MTRR: variants seen among roughly 807,000 people sequenced by gnomAD.
MTRR encodes the protein 5-methyltetrahydrofolate-homocysteine methyltransferase reductase.
In MTRR, 63 loss-of-function variants were observed where a neutral mutation model predicts 79.2. The ratio of observed to expected loss-of-function variants is 0.80; its 90% CI spans 0.65 to 0.98. The LOEUF is 0.98. MTRR is among the 50% of genes least tolerant of loss of function. The pLI is 0.00. For missense variants in MTRR, 895 were observed against 839.6 expected (o/e 1.07, Z -0.82); for synonymous variants, 355 against 313.3 (o/e 1.13, Z -1.41).
upstream of MTRR, chr5:7,851,052 C>T: frequency 8.1e-7 from 1 of 1,236,776 alleles, no homozygotes; most frequent in Admixed American, 4.2e-5. Flanking sequence ...CCGCCTTGGC[C>T]GCGGTCCGTC....
At chr5:7,865,897 C>T (rs748782266), upstream of MTRR, 1 of 1,612,236 alleles carries the variant, frequency 6.2e-7, no homozygotes, top group African/African-American at 1.3e-5. Flanking sequence ...CATGCTTTTA[C>T]CTTATAGAAA....
rs776490741 is a variant in MTRR, at chr5:7,895,830, T to C, written c.1654T>C (p.Phe552Leu). The change falls in exon 12 of 15, where the codon TTT becomes CTT. Residue 552 changes from phenylalanine (F) to leucine (L), a missense_variant. Transcript: ENST00000440940. ...MVGPGTGIAPFIGFLQHREKL... is the reference protein window; with the variant it reads ...MVGPGTGIAPLIGFLQHREKL... ...GGGTCCAGGAACCGGCATAGCCCCG[T>C]TTATTGGGTTCCTACAACATAGGTA... The C allele has an allele frequency of 1.4e-5, 22 of 1,613,958 alleles. No homozygotes were observed. The highest frequency in any genetic ancestry group is 1.7e-5 in the Non-Finnish European group (20 of 1,179,976).
At chr5:7,892,252 A>G (rs1437629001) in intron 10 of MTRR, among the ~76,000 whole-genome samples, 1 of 152,208 alleles carries the variant, frequency 6.6e-6, no homozygotes, top group Non-Finnish European at 1.5e-5. Context: ...TAATGTGAAA[A>G]GAAATCTACT....
chr5:7,891,937 G>A (rs866045748), intron 10 of MTRR, among the ~76,000 whole-genome samples: 19 of 152,160 alleles, frequency 1.2e-4, no homozygotes, highest in African/African-American at 4.6e-4. Context: ...AGCTACTTGG[G>A]AGGCTGAGGT....
chr5:7,896,955 A>G lies in MTRR; in HGVS notation c.1768A>G (p.Arg590Gly), dbSNP rs1738627181. ...CRHKDRDYLF[R>G]KELRHFLKHG... ...GCATAAGGATAGGGATTATCTATTCAGGTATTGTACAATTCCAGTATTGTA... is the reference window on the plus strand; with the variant it reads ...GCATAAGGATAGGGATTATCTATTCGGGTATTGTACAATTCCAGTATTGTA... Residue 590 changes from arginine to glycine, a missense_variant and splice_region_variant, in exon 13 of 15, where the codon AGA becomes GGA. Transcript: ENST00000440940. 1 of 1,613,742 alleles carries G rather than the reference A, an allele frequency of 6.2e-7. No individual in the cohort carries two copies. Among genetic ancestry groups the G allele is most frequent in the African/African-American group, 1.3e-5 (1 of 74,918 alleles).
intron 3 of MTRR, among the ~76,000 whole-genome samples, chr5:7,874,045 A>G (rs1748453937): frequency 6.6e-6 from 1 of 152,186 alleles, no homozygotes; most frequent in South Asian, 2.1e-4. Context: ...AATTATTCCA[A>G]GGTAGGGCCC....
Position 7,890,044 on chromosome 5 carries a change from C to T in MTRR, c.1327+769C>T, listed in dbSNP as rs147596411. 6.1e-4 allele frequency among the ~76,000 whole-genome samples: 93 copies of T among 152,308 alleles called. 2 individuals are homozygous for T. Among genetic ancestry groups the T allele is most frequent in the African/African-American group, 1.8e-3 (76 of 41,578 alleles). ...GAAGACTAAGCGCTTTATAGGACTT[C>T]AAAGCCTTTATTACTTTCTTGTGCT... On this transcript the variant is annotated intron_variant, in intron 9 of 14. Coordinates refer to ENST00000440940, the MANE Select transcript of MTRR (RefSeq NM_002454.3).
intron 5 of MTRR, among the ~76,000 whole-genome samples, chr5:7,878,859 T>G (rs1321089755): frequency 6.6e-6 from 1 of 152,242 alleles, no homozygotes; most frequent in Non-Finnish European, 1.5e-5. Context: ...AGGCAGTCTT[T>G]GAATGCAGGG....
chr5:7,888,766 T>A (rs1240320471), intron 8 of MTRR, among the ~76,000 whole-genome samples: 1 of 152,242 alleles, frequency 6.6e-6, no homozygotes, highest in Non-Finnish European at 1.5e-5. Context: ...AAATAAGCTA[T>A]GTCTGCCTGT....
At chr5:7,855,022 A>G (rs550264581) in intron 1 of MTRR, among the ~76,000 whole-genome samples, 2 of 152,238 alleles carry the variant, frequency 1.3e-5, no homozygotes, top group Non-Finnish European at 2.9e-5. Context: ...AGATATAGAA[A>G]CAAGTTAGAC....
At chr5:7,868,982 G>C (rs372343059), upstream of MTRR, 1 of 865,436 alleles carries the variant, frequency 1.2e-6, no homozygotes, top group Non-Finnish European at 1.9e-6. Flanking sequence ...CACCTACCGC[G>C]CTCTGCCGGG....
chr5:7,855,165 A>G (rs866947482), intron 1 of MTRR, among the ~76,000 whole-genome samples: 4 of 152,208 alleles, frequency 2.6e-5, no homozygotes, highest in Non-Finnish European at 4.4e-5. Flanking sequence ...AGAATCTCTA[A>G]AAGTCATACG....
At chr5:7,878,686 T>A (rs989113036) in intron 5 of MTRR, among the ~76,000 whole-genome samples, 1 of 152,276 alleles carries the variant, frequency 6.6e-6, no homozygotes, top group Non-Finnish European at 1.5e-5. Context: ...ATCATTATTT[T>A]GGAGAACTAA....
At chr5:7,881,007 C>A (rs1028224247) in intron 5 of MTRR, among the ~76,000 whole-genome samples, 1 of 152,164 alleles carries the variant, frequency 6.6e-6, no homozygotes, top group African/African-American at 2.4e-5. Flanking sequence ...ACAGTCCCTC[C>A]TCCTAGGGAC....
At chr5:7,859,429 C>A in intron 1 of MTRR, 1 of 1,550,082 alleles carries the variant, frequency 6.5e-7, no homozygotes, top group Admixed American at 1.8e-5. Context: ...GTTCTGAAGT[C>A]AGTATTCATT....
intron 10 of MTRR, 63 bp from the exon 11 acceptor site, chr5:7,892,664 G>T: frequency 6.7e-7 from 1 of 1,495,314 alleles, no homozygotes; most frequent in Non-Finnish European, 9.3e-7. Context: ...AAAAGGATTG[G>T]TTTGACCCAT....
At chr5:7,872,215 T>C in intron 2 of MTRR, 1 of 453,796 alleles carries the variant, frequency 2.2e-6, no homozygotes. Context: ...GTTAAGTTGT[T>C]ACCTCTTTTA....
Position 7,896,896 on chromosome 5 carries a change from A to G in MTRR, c.1709A>G (p.Asn570Ser). 6.2e-7 allele frequency: 1 copy of G among 1,614,112 alleles called. No homozygotes were observed. The highest frequency in any genetic ancestry group is 8.5e-7 in the Non-Finnish European group (1 of 1,180,008). Reference sequence around the variant, plus strand: ...CTCCAAGAACAACACCCAGATGGAAATTTTGGAGCAATGTGGTTGTTTTTT... The same window carrying G: ...CTCCAAGAACAACACCCAGATGGAAGTTTTGGAGCAATGTGGTTGTTTTTT... ...EKLQEQHPDG[N>S]FGAMWLFFGC... The change falls in exon 13 of 15, where the codon AAT (asparagine) becomes AGT (serine). Residue 570 changes from asparagine (N) to serine (S), a missense_variant. By Grantham distance (46) the Asn-to-Ser change is conservative. Transcript: ENST00000440940.
chr5:7,861,440 A>T, intron 1 of MTRR: 1 of 638,668 alleles, frequency 1.6e-6, no homozygotes, highest in African/African-American at 1.9e-5. Context: ...TATTACAAGG[A>T]ATTTCCCAAC....
Sources: gnomAD v4.1 joint callset for allele counts (sites outside exome capture counted in the v4.1 genomes callset) on GRCh38, gnomAD v4.1.1 for gene constraint, MANE v1.5 for transcripts, NCBI Gene and HGNC (gene_info 2026-07-23, HGNC 2026-07-21) for gene names.